Variants in ARRDC2 observed in about 807,000 individuals in gnomAD.
ARRDC2 encodes arrestin domain-containing protein 2.
ARRDC2 carries 39 observed loss-of-function variants against 38.9 expected under a neutral mutation model. The observed-to-expected ratio is 1.00, with a 90% CI of 0.78 to 1.31. The LOEUF (loss-of-function observed/expected upper bound fraction) is 1.31. Ranked by LOEUF, ARRDC2 falls within the 50% of genes most tolerant of loss-of-function variation. ARRDC2 has a pLI of 0.00. For missense variants in ARRDC2, 553 were observed against 588.4 expected (o/e 0.94, Z 0.62); for synonymous variants, 300 against 261.9 (o/e 1.15, Z -1.41).
At chr19:18,008,116 A>AGGCCCC, upstream of ARRDC2, 55 of 522,486 alleles carry the variant, frequency 1.1e-4, no homozygotes, top group Non-Finnish European at 1.4e-4. Flanking sequence ...AGAGACGGTG[A>AGGCCCC]CCCCACCCCC....
At chr19:18,002,385 C>T (rs2033200049) in intron 1 of ARRDC2, among the ~76,000 whole-genome samples, 2 of 152,330 alleles carry the variant, frequency 1.3e-5, no homozygotes, top group South Asian at 4.1e-4. Context: ...GCACCCCAAG[C>T]GCCCCTAGGC....
chr19:18,010,027 C>G lies in ARRDC2; in HGVS notation c.837C>G (p.Asp279Glu). 6.2e-7 allele frequency: 1 copy of G among 1,602,956 alleles called. No homozygotes were observed. Among genetic ancestry groups the G allele is most frequent in the Non-Finnish European group, 8.5e-7 (1 of 1,179,706 alleles). The change falls in exon 5 of 8, where the codon GAC becomes GAG. Residue 279 changes from aspartate to glutamate, a missense_variant. By Grantham distance (45) the Asp-to-Glu change is conservative. Around this residue, in one of 3 missense-constraint regions of ARRDC2, gnomAD observed 447 missense variants for 456.6 expected, o/e 0.98. Transcript: ENST00000222250. ...TGCACTGCCGCGTTCTACACGTGGACTACGCACTCAAGGTAGGGCATCCTG... is the reference window on the plus strand; with the variant it reads ...TGCACTGCCGCGTTCTACACGTGGAGTACGCACTCAAGGTAGGGCATCCTG... Reference protein sequence around the residue: ...SILHCRVLHVDYALKVCVDIP... With the variant: ...SILHCRVLHVEYALKVCVDIP...
upstream of ARRDC2, chr19:18,008,059 C>A: frequency 8.8e-7 from 1 of 1,138,304 alleles, no homozygotes; most frequent in South Asian, 1.7e-5. Context: ...TGGGCAGAGC[C>A]ACGCCCCTTG....
At position 18,008,410 on chromosome 19, in the gene ARRDC2, G is replaced by T. The variant is rs1160283609; in HGVS notation, c.100G>T (p.Val34Leu). The change falls in exon 1 of 8, where the codon GTG becomes TTG. Residue 34 changes from valine to leucine, a missense_variant. Physicochemically the swap from Val to Leu is conservative, Grantham distance 32. Around this residue, in one of 3 missense-constraint regions of ARRDC2, gnomAD observed 447 missense variants for 456.6 expected, o/e 0.98. Coordinates refer to ENST00000222250, the MANE Select transcript of ARRDC2 (RefSeq NM_015683.2). ...FSGGQAVAGR[V>L]LLELSSAARV... ...CGGCGGCCAGGCCGTGGCGGGCCGG[G>T]TGCTGCTGGAGCTGTCAAGCGCCGC... 1 of 1,594,668 alleles carries T rather than the reference G, an allele frequency of 6.3e-7. No homozygotes were observed. The highest frequency in any genetic ancestry group is 8.5e-7 in the Non-Finnish European group (1 of 1,178,076).
chr19:18,006,760 C>A (rs1164686457), upstream of ARRDC2, among the ~76,000 whole-genome samples: 1 of 152,240 alleles, frequency 6.6e-6, no homozygotes, highest in African/African-American at 2.4e-5. Context: ...CCCCACCCAT[C>A]TCTGGGCCTT....
chr19:18,010,006 C>G lies in ARRDC2; in HGVS notation c.816C>G (p.His272Gln). ...CCCCAGTGGGTCCTTCCATCCTGCA[C>G]TGCCGCGTTCTACACGTGGACTACG... ...RIPPVGPSIL[H>Q]CRVLHVDYAL... is the part of the protein sequence containing the mutation. Residue 272 changes from histidine to glutamine, a missense_variant, in exon 5 of 8, where the codon CAC becomes CAG. By Grantham distance (24) the His-to-Gln change is conservative. This residue lies in a region of ARRDC2 where 447 missense variants were observed against 456.6 expected (regional missense o/e 0.98). Transcript: ENST00000222250. 6.2e-7 allele frequency: 1 copy of G among 1,602,078 alleles called. No homozygotes were observed. The highest frequency in any genetic ancestry group is 8.5e-7 in the Non-Finnish European group (1 of 1,179,766).
At chr19:18,008,115 G>GGGGGGCCC, upstream of ARRDC2, 2 of 810,032 alleles carry the variant, frequency 2.5e-6, no homozygotes, top group Non-Finnish European at 3.4e-6. Context: ...AAGAGACGGT[G>GGGGGGCCC]ACCCCACCCC....
In ARRDC2 at chr19:18,009,593, C is replaced by A; in HGVS notation, c.491C>A (p.Ala164Glu). 1.3e-6 allele frequency: 2 copies of A among 1,597,894 alleles called. No individual in the cohort carries two copies. ...TGTCACTTTCCTCTACACCGACAGGCACCTCAAGCGGGGGCTCGGGAAAAG... is the reference window on the plus strand; with the variant it reads ...TGTCACTTTCCTCTACACCGACAGGAACCTCAAGCGGGGGCTCGGGAAAAG... The part of the protein sequence containing the change: ...PVDINTPALL[A>E]PQAGAREKVA... The change falls in exon 4 of 8, where the codon GCA (alanine) becomes GAA (glutamate). Residue 164 changes from alanine to glutamate, a missense_variant and splice_region_variant. Physicochemically the swap from Ala to Glu is moderately radical, Grantham distance 107. Around this residue, in one of 3 missense-constraint regions of ARRDC2, gnomAD observed 447 missense variants for 456.6 expected, o/e 0.98. Coordinates refer to ENST00000222250, the MANE Select transcript of ARRDC2 (RefSeq NM_015683.2).
intron 7 of ARRDC2, among the ~76,000 whole-genome samples, chr19:18,011,010 C>T (rs903209291): frequency 4.6e-5 from 7 of 151,630 alleles, no homozygotes; most frequent in East Asian, 1.9e-4. Context: ...TTTTGCTTTG[C>T]TTTTTGAGAT....
chr19:18,005,565 G>A (rs1384179191), upstream of ARRDC2, among the ~76,000 whole-genome samples: 1 of 151,494 alleles, frequency 6.6e-6, no homozygotes, highest in Non-Finnish European at 1.5e-5. Context: ...CAGTAGGGGC[G>A]GCCGGGCAGA....
At chr19:18,008,131 GC>G (rs2033319161), upstream of ARRDC2, 5 of 498,984 alleles carry the variant, frequency 1.0e-5, no homozygotes, top group Non-Finnish European at 1.3e-5. Context: ...ACCCCCCCCC[GC>G]CCTGCCGTAT....
At chr19:18,008,818 C>T in intron 2 of ARRDC2, 41 bp downstream of exon 2, 8 of 1,609,512 alleles carry the variant, frequency 5.0e-6, no homozygotes, top group Non-Finnish European at 6.8e-6. Context: ...AGCCTGCAGC[C>T]CCTTCCAGAT....
chr19:18,012,564 G>T (rs1218889883), intron 7 of ARRDC2, among the ~76,000 whole-genome samples: 1 of 152,156 alleles, frequency 6.6e-6, no homozygotes, highest in East Asian at 1.9e-4. Context: ...TCCAGCCTGG[G>T]TGACAAAGCG....
At position 18,010,011 on chromosome 19, in the gene ARRDC2, G is replaced by T. The variant is rs2033379179; in HGVS notation, c.821G>T (p.Arg274Leu). ...GTGGGTCCTTCCATCCTGCACTGCC[G>T]CGTTCTACACGTGGACTACGCACTC... ...PPVGPSILHC[R>L]VLHVDYALKV... Residue 274 changes from arginine to leucine, a missense_variant, in exon 5 of 8, where the codon CGC (arginine) becomes CTC (leucine). Around this residue, in one of 3 missense-constraint regions of ARRDC2, gnomAD observed 447 missense variants for 456.6 expected, o/e 0.98. Transcript: ENST00000222250. The T allele has an allele frequency of 1.2e-6, 2 of 1,602,094 alleles. No homozygotes were observed. Among genetic ancestry groups the T allele is most frequent in the East Asian group, 2.2e-5 (1 of 44,880 alleles).
chr19:18,005,542 G>T (rs1261731931), upstream of ARRDC2, among the ~76,000 whole-genome samples: 2 of 151,956 alleles, frequency 1.3e-5, no homozygotes, highest in East Asian at 1.9e-4. Context: ...GGGCAGAGGG[G>T]CTCCTCACTT....
At chr19:18,005,443 C>T (rs531921573), upstream of ARRDC2, among the ~76,000 whole-genome samples, 1 of 152,170 alleles carries the variant, frequency 6.6e-6, no homozygotes, top group Non-Finnish European at 1.5e-5. Context: ...CCCCACCTTT[C>T]CCCCCTTTCT....
chr19:18,006,050 C>G (rs1335231411), upstream of ARRDC2, among the ~76,000 whole-genome samples: 3 of 151,740 alleles, frequency 2.0e-5, no homozygotes, highest in Admixed American at 1.3e-4. Context: ...AGAGACGCTC[C>G]TCACTTCGTA....
intron 1 of ARRDC2, among the ~76,000 whole-genome samples, chr19:18,001,852 C>T (rs2033192964): frequency 6.6e-6 from 1 of 152,224 alleles, no homozygotes; most frequent in African/African-American, 2.4e-5. Context: ...GTGGGAAGAT[C>T]GCTTGAGCCT....
upstream of ARRDC2, among the ~76,000 whole-genome samples, chr19:18,006,311 C>G (rs1184422149): frequency 6.6e-6 from 1 of 152,128 alleles, no homozygotes; most frequent in African/African-American, 2.4e-5. Context: ...GCCGAGATCA[C>G]GCCACTGCAC....
Sources: gnomAD v4.1 joint callset for allele counts (sites outside exome capture counted in the v4.1 genomes callset) on GRCh38, gnomAD v4.1.1 for gene constraint, gnomAD v4.1.1 regional missense constraint, MANE v1.5 for transcripts, NCBI Gene and HGNC (gene_info 2026-07-23, HGNC 2026-07-21) for gene names.